The following SGCZ variants were observed in gnomAD, a reference collection of about 807,000 sequenced individuals.
The protein encoded by SGCZ is sarcoglycan zeta.
SGCZ carries 40 observed loss-of-function variants against 41.3 expected under a neutral mutation model. That is an observed-to-expected ratio of 0.97 (90% CI 0.75 to 1.26). The LOEUF is 1.26. Ranked by LOEUF, SGCZ falls within the 50% of genes most tolerant of loss-of-function variation. The pLI is 0.00. For missense variants in SGCZ, 552 were observed against 369.8 expected, an observed-to-expected ratio of 1.49 and a Z score of -4.04; for synonymous variants, 206 against 137.5, an observed-to-expected ratio of 1.50 and a Z score of -3.49.
chr8:15,219,821 T>A (rs1563191119), intron 1 of SGCZ, among the ~76,000 whole-genome samples: 1 of 152,200 alleles, frequency 6.6e-6, no homozygotes, highest in East Asian at 1.9e-4. Context: ...CCAAAGCAAC[T>A]TTCATTCAAA....
At chr8:14,787,364 A>G (rs1004832707) in intron 1 of SGCZ, among the ~76,000 whole-genome samples, 11 of 152,210 alleles carry the variant, frequency 7.2e-5, no homozygotes, top group African/African-American at 2.2e-4. Flanking sequence ...TTTCTTGTAG[A>G]AGGAAGAAAT....
chr8:14,262,517 CA>C, intron 3 of SGCZ, among the ~76,000 whole-genome samples: 1 of 151,964 alleles, frequency 6.6e-6, no homozygotes, highest in East Asian at 1.9e-4. Context: ...TTTCAAAGCA[CA>C]GGAATAATTA....
chr8:14,136,545 C>T (rs1039483345), intron 5 of SGCZ, among the ~76,000 whole-genome samples: 1 of 152,196 alleles, frequency 6.6e-6, no homozygotes, highest in African/African-American at 2.4e-5. Flanking sequence ...GCCTTGCTCA[C>T]TGCTAGCACA....
intron 1 of SGCZ, among the ~76,000 whole-genome samples, chr8:15,141,592 C>T (rs2116997770): frequency 1.3e-5 from 2 of 152,274 alleles, no homozygotes; most frequent in Middle Eastern, 6.8e-3. Context: ...AGGCTCTGCC[C>T]AAGAAGGCTT....
At chr8:14,503,904 ATAT>A (rs765926660) in intron 2 of SGCZ, among the ~76,000 whole-genome samples, 16 of 152,232 alleles carry the variant, frequency 1.1e-4, no homozygotes, top group Non-Finnish European at 2.4e-4. Flanking sequence ...GAAGTTTAAA[ATAT>A]TATAACAAAA....
chr8:14,526,197 A>C lies in SGCZ; in HGVS notation c.234+28535T>G, dbSNP rs146798029. On this transcript the variant is annotated intron_variant, in intron 2 of 7. Transcript: ENST00000382080. ...CCATAATTTCTCATGCCTGAAGCCA[A>C]TATTACATAAGTGTAATATTTGACA... 5.4e-3 allele frequency among the ~76,000 whole-genome samples: 827 copies of C among 152,250 alleles called. 22 individuals are homozygous for C. Among genetic ancestry groups the C allele is most frequent in the Admixed American group, 0.046 (697 of 15,274 alleles).
In SGCZ at chr8:14,090,414, T is replaced by G; in HGVS notation, c.*29A>C. The G allele has an allele frequency of 1.3e-6, 2 of 1,599,380 alleles. No homozygotes were observed. Among genetic ancestry groups the G allele is most frequent in the Non-Finnish European group, 1.7e-6 (2 of 1,172,456 alleles). On this transcript the variant is annotated 3_prime_UTR_variant, in exon 8 of 8. Coordinates refer to ENST00000382080, the MANE Select transcript of SGCZ (RefSeq NM_139167.4). ...AAGCAGACGGACAGGAACAAAAGGC[T>G]ATTCTGGTGTGAGGAGAAATCAGTC...
Position 14,669,357 on chromosome 8 carries a change from C to CTAAG in SGCZ, c.40-114435_40-114432dup, listed in dbSNP as rs75686503. ...TGGACAACAGAGCAAGACCCTGTCTCTAAGTAAGTAAGTAAGTAAGTAAGT... is the reference window on the plus strand; with the variant it reads ...TGGACAACAGAGCAAGACCCTGTCTCTAAGTAAGTAAGTAAGTAAGTAAGTAAGT... On this transcript the variant is annotated intron_variant, in intron 1 of 7. Transcript: ENST00000382080. 3.5e-3 allele frequency among the ~76,000 whole-genome samples: 519 copies of CTAAG among 146,586 alleles called. 2 individuals carry two copies. The highest frequency in any genetic ancestry group is 5.5e-3 in the Non-Finnish European group (371 of 67,232).
chr8:15,020,669 G>A (rs568884888), intron 1 of SGCZ, among the ~76,000 whole-genome samples: 1 of 152,210 alleles, frequency 6.6e-6, no homozygotes, highest in African/African-American at 2.4e-5. Flanking sequence ...CTAATAGAGT[G>A]AATTATAATT....
chr8:14,460,666 C>T (rs1263794021), intron 2 of SGCZ, among the ~76,000 whole-genome samples: 3 of 152,000 alleles, frequency 2.0e-5, no homozygotes, highest in African/African-American at 4.8e-5. Context: ...ATTCCAAATC[C>T]AAAGAAGTAG....
intron 1 of SGCZ, among the ~76,000 whole-genome samples, chr8:14,642,082 G>A (rs1265050556): frequency 6.6e-6 from 1 of 151,600 alleles, no homozygotes; most frequent in Non-Finnish European, 1.5e-5. Context: ...TCACCTGGAA[G>A]TATTTTACTA....
chr8:14,490,162 G>A (rs567167950), intron 2 of SGCZ, among the ~76,000 whole-genome samples: 28 of 152,126 alleles, frequency 1.8e-4, no homozygotes, highest in Admixed American at 1.2e-3. Flanking sequence ...CACCATGCCC[G>A]GCCAACTCTC....
At chr8:15,056,171 T>C (rs1804693971) in intron 1 of SGCZ, among the ~76,000 whole-genome samples, 1 of 152,196 alleles carries the variant, frequency 6.6e-6, no homozygotes, top group Non-Finnish European at 1.5e-5. Context: ...AGAATTGCTG[T>C]TTATAACACT....
chr8:14,713,937 C>G (rs1437632190), intron 1 of SGCZ, among the ~76,000 whole-genome samples: 1 of 151,960 alleles, frequency 6.6e-6, no homozygotes, highest in East Asian at 1.9e-4. Context: ...AGAGAGGTAA[C>G]TCCATTTTAA....
At chr8:14,198,785 AC>A (rs1805361145) in intron 4 of SGCZ, among the ~76,000 whole-genome samples, 1 of 152,188 alleles carries the variant, frequency 6.6e-6, no homozygotes, top group South Asian at 2.1e-4. Context: ...CCAAATTAAT[AC>A]TTTTAAAATT....
In SGCZ at chr8:14,581,210, G is replaced by C. The variant is rs535409090; in HGVS notation, c.40-26284C>G. On this transcript the variant is annotated intron_variant, in intron 1 of 7. Transcript: ENST00000382080. ...TGCAACCTCTGTCTCCCAGGTTCAA[G>C]CGATTCTCCTGCCTCAGCCATGTGA... Among the ~76,000 whole-genome samples the C allele has an allele frequency of 6.0e-4, 92 of 152,180 alleles. 1 individual carries two copies. Among genetic ancestry groups the C allele is most frequent in the African/African-American group, 2.1e-3 (87 of 41,536 alleles).
rs192861540 is a variant in SGCZ, at chr8:15,131,300, T to G, written c.39+106285A>C. On this transcript the variant is annotated intron_variant, in intron 1 of 7. Coordinates refer to ENST00000382080, the MANE Select transcript of SGCZ (RefSeq NM_139167.4). ...TCTCATGGTAGTAAGTCTCATGAGA[T>G]CTGATGGTCTTATAAGGGGTTTCCC... Among the ~76,000 whole-genome samples the G allele has an allele frequency of 4.0e-3, 616 of 152,272 alleles. 1 individual carries two copies. Among genetic ancestry groups the G allele is most frequent in the Admixed American group, 6.3e-3 (97 of 15,300 alleles).
chr8:14,739,796 T>C (rs1455400298), intron 1 of SGCZ, among the ~76,000 whole-genome samples: 1 of 152,098 alleles, frequency 6.6e-6, no homozygotes, highest in South Asian at 2.1e-4. Flanking sequence ...ACACTATGCA[T>C]ATTCCAGAAG....
At chr8:14,565,371 A>C (rs182478228) in intron 1 of SGCZ, among the ~76,000 whole-genome samples, 15 of 152,160 alleles carry the variant, frequency 9.9e-5, no homozygotes, top group East Asian at 3.9e-4. Context: ...TAACTTTGAA[A>C]TCATTTCATT....
Sources: allele counts gnomAD v4.1 joint callset (sites outside exome capture counted in the v4.1 genomes callset), GRCh38; gene constraint gnomAD v4.1.1; transcripts MANE v1.5; gene names NCBI Gene and HGNC (gene_info 2026-07-23, HGNC 2026-07-21).